PPARGC1A: variants seen among roughly 807,000 people sequenced by gnomAD.
PPARGC1A encodes PPARG coactivator 1 alpha, also known as peroxisome proliferator-activated receptor gamma coactivator 1-alpha.
PPARGC1A carries 25 observed loss-of-function variants against 88.7 expected under a neutral mutation model. The ratio of observed to expected loss-of-function variants is 0.28; its 90% CI spans 0.21 to 0.39. The LOEUF is 0.39. Among genes scored for constraint, PPARGC1A ranks in the 10% least tolerant of loss-of-function variants. The pLI, the probability that PPARGC1A is intolerant of heterozygous loss-of-function variation, is 1.00. For synonymous variants in PPARGC1A, 363 were observed against 355.6 expected, an observed-to-expected ratio of 1.02 and a Z score of -0.24; for missense variants, 880 against 968.7, an observed-to-expected ratio of 0.91 and a Z score of 1.22.
the PPARGC1A span, among the ~76,000 whole-genome samples, chr4:24,387,767 A>AAG: frequency 2.0e-5 from 1 of 49,622 alleles, no homozygotes; most frequent in African/African-American, 9.1e-5. Flanking sequence ...AGAGAGAGAG[A>AAG]GAAAGAAAGA....
chr4:24,093,706 T>C, the PPARGC1A span, among the ~76,000 whole-genome samples: 2 of 152,214 alleles, frequency 1.3e-5, no homozygotes, highest in African/African-American at 2.4e-5. Flanking sequence ...AATTGCATCA[T>C]CTGCAATGTA....
the PPARGC1A span, among the ~76,000 whole-genome samples, chr4:24,405,068 G>A: frequency 6.6e-6 from 1 of 152,038 alleles, no homozygotes; most frequent in Non-Finnish European, 1.5e-5. Flanking sequence ...TACAATTTTT[G>A]CATGAATCAA....
intron 2 of PPARGC1A, among the ~76,000 whole-genome samples, chr4:23,836,305 A>G (rs901117797): frequency 6.6e-6 from 1 of 152,116 alleles, no homozygotes; most frequent in Non-Finnish European, 1.5e-5. Flanking sequence ...TCCACAGTTG[A>G]GCTCTGTGGC....
At chr4:24,376,478 C>T in the PPARGC1A span, among the ~76,000 whole-genome samples, 737 of 152,304 alleles carry the variant, frequency 4.8e-3, 6 homozygotes, top group African/African-American at 0.017. Context: ...TTCCATTTCC[C>T]AGTCACCCGA....
the PPARGC1A span, among the ~76,000 whole-genome samples, chr4:24,016,387 T>C: frequency 6.6e-6 from 1 of 152,202 alleles, no homozygotes; most frequent in Non-Finnish European, 1.5e-5. Context: ...ACTTCATGTA[T>C]AACCAAAGAC....
the PPARGC1A span, among the ~76,000 whole-genome samples, chr4:24,108,357 T>C: frequency 2.0e-5 from 3 of 152,160 alleles, no homozygotes; most frequent in African/African-American, 7.2e-5. Flanking sequence ...CTTCTATTGA[T>C]TAAAAAATAA....
the PPARGC1A span, among the ~76,000 whole-genome samples, chr4:24,300,451 A>G: frequency 7.3e-5 from 11 of 149,874 alleles, no homozygotes; most frequent in Admixed American, 2.0e-4. Context: ...GCATATATCA[A>G]AATACACGGC....
At chr4:23,947,145 A>G in the PPARGC1A span, among the ~76,000 whole-genome samples, 1 of 151,766 alleles carries the variant, frequency 6.6e-6, no homozygotes, top group Non-Finnish European at 1.5e-5. Flanking sequence ...AGAGAATTTG[A>G]TATAAAGAAG....
the PPARGC1A span, among the ~76,000 whole-genome samples, chr4:24,387,888 A>AAG: frequency 4.1e-5 from 5 of 121,472 alleles, no homozygotes; most frequent in African/African-American, 1.7e-4. Flanking sequence ...GAAAGAAAGA[A>AAG]AGAAAGAAAA....
the PPARGC1A span, among the ~76,000 whole-genome samples, chr4:24,088,761 T>A: frequency 6.6e-6 from 1 of 152,214 alleles, no homozygotes; most frequent in African/African-American, 2.4e-5. Context: ...CCTTTCTTAC[T>A]GCCTGCCCAC....
At chr4:24,204,625 G>C in the PPARGC1A span, among the ~76,000 whole-genome samples, 1 of 151,992 alleles carries the variant, frequency 6.6e-6, no homozygotes, top group African/African-American at 2.4e-5. Flanking sequence ...AGAACTGGCG[G>C]GGGAGGTGTA....
At chr4:23,841,316 C>T (rs892420195) in intron 2 of PPARGC1A, among the ~76,000 whole-genome samples, 12 of 152,214 alleles carry the variant, frequency 7.9e-5, no homozygotes, top group African/African-American at 2.9e-4. Flanking sequence ...TACCATATAA[C>T]ACACTCATCT....
chr4:23,915,528 T>C, the PPARGC1A span, among the ~76,000 whole-genome samples: 5 of 152,256 alleles, frequency 3.3e-5, no homozygotes, highest in Admixed American at 3.3e-4. Flanking sequence ...ATCAGTTTTC[T>C]AAATTCTATC....
the PPARGC1A span, among the ~76,000 whole-genome samples, chr4:24,379,433 A>G: frequency 6.6e-6 from 1 of 152,180 alleles, no homozygotes; most frequent in Non-Finnish European, 1.5e-5. Flanking sequence ...AAAAGAGAGA[A>G]CATGAAATGT....
the PPARGC1A span, among the ~76,000 whole-genome samples, chr4:23,910,340 A>T: frequency 3.8e-4 from 23 of 60,580 alleles, no homozygotes; most frequent in East Asian, 1.2e-3. Context: ...TATTATATAT[A>T]TTATATATTA....
chr4:23,884,370 CTTAT>C (rs1716503441), intron 2 of PPARGC1A: 2 of 250,334 alleles, frequency 8.0e-6, no homozygotes, highest in Non-Finnish European at 1.5e-5. Context: ...GAAAGGCCTT[CTTAT>C]TTATTAATTT....
chr4:24,388,154 C>T, the PPARGC1A span, among the ~76,000 whole-genome samples: 1 of 125,340 alleles, frequency 8.0e-6, no homozygotes, highest in Admixed American at 7.6e-5. Flanking sequence ...AAAAAAAAAA[C>T]ATCAAAAAGT....
At chr4:24,363,659 C>T in the PPARGC1A span, among the ~76,000 whole-genome samples, 6 of 152,046 alleles carry the variant, frequency 3.9e-5, no homozygotes, top group Non-Finnish European at 7.4e-5. Context: ...ACAGAAAATG[C>T]CCACAGAAGG....
chr4:24,430,623 C>A, the PPARGC1A span, among the ~76,000 whole-genome samples: 1 of 152,034 alleles, frequency 6.6e-6, no homozygotes, highest in Non-Finnish European at 1.5e-5. Flanking sequence ...GTTCTTCAAA[C>A]CCTGCTATGG....
Sources: gnomAD v4.1 joint callset for allele counts (sites outside exome capture counted in the v4.1 genomes callset) on GRCh38, gnomAD v4.1.1 for gene constraint, MANE v1.5 for transcripts, NCBI Gene and HGNC (gene_info 2026-07-23, HGNC 2026-07-21) for gene names.